The following PTPRD variants were observed in gnomAD, a reference collection of about 807,000 sequenced individuals.
PTPRD encodes receptor-type tyrosine-protein phosphatase delta.
A neutral mutation model predicts 214.5 loss-of-function variants in PTPRD; 34 were observed. The ratio of observed to expected loss-of-function variants is 0.16; its 90% CI spans 0.12 to 0.21. The LOEUF is 0.21. Ranked by LOEUF, PTPRD falls within the 10% of genes least tolerant of loss-of-function variation. The pLI, the probability that PTPRD is intolerant of heterozygous loss-of-function variation, is 1.00. For missense variants in PTPRD, 2,545 were observed against 2,398.7 expected (o/e 1.06, Z -1.27); for synonymous variants, 1,128 against 845.7 (o/e 1.33, Z -5.79).
At chr9:9,293,388 T>C (rs1307472712) in intron 9 of PTPRD, among the ~76,000 whole-genome samples, 1 of 149,478 alleles carries the variant, frequency 6.7e-6, no homozygotes, top group Non-Finnish European at 1.5e-5. Context: ...GTTTGTTTGT[T>C]CTTTTTTTTT....
chr9:9,793,714 A>C (rs2098982852), intron 5 of PTPRD, among the ~76,000 whole-genome samples: 2 of 152,094 alleles, frequency 1.3e-5, no homozygotes, highest in African/African-American at 2.4e-5. Flanking sequence ...TAGAAAAAAA[A>C]ATGTAATGGT....
intron 3 of PTPRD, among the ~76,000 whole-genome samples, chr9:10,313,330 A>T (rs2096323516): frequency 6.6e-6 from 1 of 151,674 alleles, no homozygotes. Flanking sequence ...GAAAAGAGAG[A>T]GTATACAAAC....
intron 10 of PTPRD, among the ~76,000 whole-genome samples, chr9:9,023,155 AAAGT>A (rs1219849450): frequency 1.3e-5 from 2 of 152,158 alleles, no homozygotes; most frequent in African/African-American, 4.8e-5. Context: ...TGTACAGTGT[AAAGT>A]ACTATAGACT....
intron 5 of PTPRD, among the ~76,000 whole-genome samples, chr9:9,910,477 T>G (rs2078879119): frequency 6.6e-6 from 1 of 152,074 alleles, no homozygotes; most frequent in African/African-American, 2.4e-5. Context: ...TCTTGAAGGA[T>G]GTTTGAAAAC....
intron 3 of PTPRD, among the ~76,000 whole-genome samples, chr9:10,295,728 T>C (rs1053410728): frequency 2.6e-5 from 4 of 152,110 alleles, no homozygotes; most frequent in Non-Finnish European, 4.4e-5. Context: ...ATGAACTTTA[T>C]GATATTGACA....
chr9:8,359,240 A>G (rs1228497422), intron 39 of PTPRD, among the ~76,000 whole-genome samples: 1 of 151,898 alleles, frequency 6.6e-6, no homozygotes, highest in Admixed American at 6.6e-5. Context: ...AGCATGTAGG[A>G]AACTGTTAGA....
intron 7 of PTPRD, among the ~76,000 whole-genome samples, chr9:9,643,360 A>T (rs186187469): frequency 9.9e-4 from 150 of 152,268 alleles, no homozygotes; most frequent in Non-Finnish European, 1.5e-3. Flanking sequence ...AAGTTACATT[A>T]AAAAAAGAAC....
chr9:8,360,696 A>T (rs995488531), intron 39 of PTPRD, among the ~76,000 whole-genome samples: 1 of 152,208 alleles, frequency 6.6e-6, no homozygotes, highest in Non-Finnish European at 1.5e-5. Context: ...TTAGCCAATT[A>T]CACTTAGTAG....
intron 5 of PTPRD, among the ~76,000 whole-genome samples, chr9:9,782,413 T>C (rs951035104): frequency 1.3e-5 from 2 of 152,180 alleles, no homozygotes; most frequent in South Asian, 2.1e-4. Flanking sequence ...AGTCTGTCAA[T>C]TGGAGGAACA....
At chr9:9,019,336 G>GAAAGAAAGAAAGAA (rs1303079498) in intron 10 of PTPRD, among the ~76,000 whole-genome samples, 6 of 18,800 alleles carry the variant, frequency 3.2e-4, no homozygotes, top group African/African-American at 7.7e-4. Flanking sequence ...AAGAAAGAAA[G>GAAAGAAAGAAAGAA]AACGAAAGAA....
intron 14 of PTPRD, among the ~76,000 whole-genome samples, chr9:8,597,536 T>C (rs36097900): frequency 0.2 from 30,634 of 152,012 alleles, 4,342 homozygotes; most frequent in African/African-American, 0.41. Context: ...AAAATATTTT[T>C]ACAACAGTGA....
chr9:9,523,629 C>A (rs2097048033), intron 8 of PTPRD, among the ~76,000 whole-genome samples: 1 of 152,108 alleles, frequency 6.6e-6, no homozygotes, highest in Non-Finnish European at 1.5e-5. Context: ...CCTTGACTTT[C>A]CAAAGCAAAC....
At chr9:10,303,497 A>C (rs1045231515) in intron 3 of PTPRD, among the ~76,000 whole-genome samples, 1 of 152,172 alleles carries the variant, frequency 6.6e-6, no homozygotes, top group Non-Finnish European at 1.5e-5. Context: ...AAAGATCAAC[A>C]AAATAGATAG....
At chr9:9,330,084 C>A (rs2041739608) in intron 9 of PTPRD, among the ~76,000 whole-genome samples, 1 of 152,060 alleles carries the variant, frequency 6.6e-6, no homozygotes, top group South Asian at 2.1e-4. Context: ...TGCCCTTTAG[C>A]CATGGTGTCA....
chr9:9,613,400 C>T (rs1384733379), intron 7 of PTPRD, among the ~76,000 whole-genome samples: 1 of 151,876 alleles, frequency 6.6e-6, no homozygotes, highest in East Asian at 1.9e-4. Context: ...TAATTGCCTT[C>T]ACGATCATTG....
intron 9 of PTPRD, among the ~76,000 whole-genome samples, chr9:9,314,736 G>A (rs75909290): frequency 0.014 from 2,064 of 152,084 alleles, 46 homozygotes; most frequent in African/African-American, 0.048. Flanking sequence ...AGCCAGTGTC[G>A]AAATGAATGG....
chr9:9,241,542 C>T (rs1023635244), intron 9 of PTPRD, among the ~76,000 whole-genome samples: 1 of 152,102 alleles, frequency 6.6e-6, no homozygotes, highest in Non-Finnish European at 1.5e-5. Context: ...AAACTGGTCT[C>T]ATACCTTGAG....
chr9:8,435,802 T>C (rs1352152021), intron 35 of PTPRD, among the ~76,000 whole-genome samples: 1 of 152,172 alleles, frequency 6.6e-6, no homozygotes, highest in Non-Finnish European at 1.5e-5. Flanking sequence ...TTAAGGATTC[T>C]GGAATTTTAA....
At chr9:10,104,242 G>C (rs2098601606) in intron 3 of PTPRD, among the ~76,000 whole-genome samples, 3 of 151,810 alleles carry the variant, frequency 2.0e-5, no homozygotes, top group South Asian at 4.1e-4. Context: ...GGAGATGGAT[G>C]GTGGTGATAG....
Sources: gnomAD v4.1 joint callset for allele counts (sites outside exome capture counted in the v4.1 genomes callset) on GRCh38, gnomAD v4.1.1 for gene constraint, MANE v1.5 for transcripts, NCBI Gene and HGNC (gene_info 2026-07-23, HGNC 2026-07-21) for gene names.